Variants in NPNT observed in about 807,000 individuals in gnomAD.
NPNT encodes preosteoblast EGF-like repeat protein with MAM domain.
Under a neutral mutation model 68.6 loss-of-function variants are expected in NPNT, and 45 were observed. That is an observed-to-expected ratio of 0.66 (90% CI 0.52 to 0.84). The LOEUF (loss-of-function observed/expected upper bound fraction) is 0.84. Ranked by LOEUF, NPNT falls within the 40% of genes least tolerant of loss-of-function variation. The pLI is 0.00. For missense variants in NPNT, 672 were observed against 714.8 expected, an observed-to-expected ratio of 0.94 and a Z score of 0.68; for synonymous variants, 233 against 253.3, an observed-to-expected ratio of 0.92 and a Z score of 0.76.
chr4:105,919,339 C>T (rs1384875370), intron 2 of NPNT, among the ~76,000 whole-genome samples: 2 of 152,050 alleles, frequency 1.3e-5, no homozygotes, highest in Non-Finnish European at 2.9e-5. Context: ...TGCCTAAACA[C>T]TTCAGCATTC....
At chr4:105,960,519 A>G (rs1384356516) in intron 10 of NPNT, among the ~76,000 whole-genome samples, 2 of 152,238 alleles carry the variant, frequency 1.3e-5, no homozygotes, top group South Asian at 4.1e-4. Flanking sequence ...TAAGGTTGAA[A>G]TAGAGATTTA....
intron 10 of NPNT, among the ~76,000 whole-genome samples, chr4:105,965,444 A>T (rs1478774939): frequency 2.0e-5 from 3 of 151,740 alleles, no homozygotes; most frequent in African/African-American, 7.3e-5. Context: ...AACCTCATTT[A>T]TCATGTTGTA....
At chr4:105,959,523 CT>C (rs1014448942) in intron 10 of NPNT, among the ~76,000 whole-genome samples, 5,275 of 129,532 alleles carry the variant, frequency 0.041, 167 homozygotes, top group South Asian at 0.12. Context: ...TTTTTCTTTT[CT>C]TTTTTTTTTT....
rs1316097105 is a variant in NPNT at position 105,914,383 on chromosome 4, A to AAT, written c.173-12947_173-12946dup. Among the ~76,000 whole-genome samples the AAT allele has an allele frequency of 2.9e-3, 396 of 137,458 alleles. 3 individuals carry two copies. The highest frequency in any genetic ancestry group is 0.01 in the African/African-American group (380 of 37,054). The allele number at this position is 137,458 out of a possible 152,430, so 90.2% of individuals were successfully genotyped here. A position where few individuals can be genotyped will look rare whatever the true frequency, so the allele number is the denominator to read the frequency against. The stretch of plus-strand genomic sequence containing the variant: ...TCTCTCTCTCTCTCTCTATATATAT[A>AAT]ATATATAAAAATAATATAATATATA... On this transcript the variant is annotated intron_variant, in intron 2 of 11. Coordinates refer to ENST00000379987, the MANE Select transcript of NPNT (RefSeq NM_001033047.3).
intron 8 of NPNT, among the ~76,000 whole-genome samples, chr4:105,944,005 A>G (rs1432017130): frequency 6.6e-6 from 1 of 152,090 alleles, no homozygotes; most frequent in Non-Finnish European, 1.5e-5. Flanking sequence ...AAACTAATAA[A>G]GGGGATATCA....
In NPNT at chr4:105,957,634, A is replaced by T. The variant is rs565059381; in HGVS notation, c.1160-837A>T. 3.3e-5 allele frequency among the ~76,000 whole-genome samples: 5 copies of T among 152,286 alleles called. No homozygotes were observed. In the South Asian group the frequency reaches 1.0e-3, roughly 32 times the overall value. ...GCCCTCCAGGACCTCAGAGACTAGC[A>T]GAGGGACAGACACATGTGTGTAAAT... On this transcript the variant is annotated intron_variant, in intron 8 of 11. Transcript: ENST00000379987.
At chr4:105,925,359 G>A (rs943959484) in intron 2 of NPNT, among the ~76,000 whole-genome samples, 8 of 151,990 alleles carry the variant, frequency 5.3e-5, no homozygotes, top group Non-Finnish European at 1.0e-4. Flanking sequence ...CTAAGGATTT[G>A]TGGTGGTACA....
chr4:105,926,385 G>A (rs1477467487), intron 2 of NPNT, among the ~76,000 whole-genome samples: 1 of 152,098 alleles, frequency 6.6e-6, no homozygotes, highest in African/African-American at 2.4e-5. Context: ...CAAGGTTTCC[G>A]AGTCTGGCAC....
At chr4:105,909,689 T>C (rs1056646442) in intron 2 of NPNT, among the ~76,000 whole-genome samples, 3 of 152,204 alleles carry the variant, frequency 2.0e-5, no homozygotes, top group Non-Finnish European at 2.9e-5. Flanking sequence ...TGCAGGCTAA[T>C]ATCACTGTTT....
chr4:105,946,461 A>G (rs1360258060), intron 8 of NPNT, among the ~76,000 whole-genome samples: 1 of 152,188 alleles, frequency 6.6e-6, no homozygotes, highest in Non-Finnish European at 1.5e-5. Context: ...ACCCGCCCCC[A>G]ATATTTTAAC....
intron 5 of NPNT, 79 bp downstream of exon 5, chr4:105,938,499 A>G (rs772526708): frequency 8.6e-5 from 122 of 1,413,276 alleles, no homozygotes; most frequent in Non-Finnish European, 1.1e-4. Flanking sequence ...GGGAATAAGG[A>G]AAAAAAAGGC....
At chr4:105,955,281 G>A (rs896653396) in intron 8 of NPNT, among the ~76,000 whole-genome samples, 3 of 152,142 alleles carry the variant, frequency 2.0e-5, no homozygotes, top group African/African-American at 7.2e-5. Context: ...CCTGGTTATA[G>A]TTCATTTTTG....
In NPNT at chr4:105,970,280, TTACCAA is replaced by T. The variant is rs1295462862; in HGVS notation, c.*1293_*1298del. ...CAACTGTATTTCCTCCCTGCATATT[TTACCAA>T]TATATTAAAAAACAATGTAACTTTT... On this transcript the variant is annotated 3_prime_UTR_variant, in exon 12 of 12. Coordinates refer to ENST00000379987, the MANE Select transcript of NPNT (RefSeq NM_001033047.3). 1 of 594,576 alleles carries T rather than the reference TTACCAA, an allele frequency of 1.7e-6. No individual in the cohort carries two copies. The highest frequency in any genetic ancestry group is 1.9e-5 in the African/African-American group (1 of 53,786). The allele number at this position is 594,576 out of a possible 1,614,324, so 36.8% of individuals were successfully genotyped here. A position where few individuals can be genotyped will look rare whatever the true frequency, so the allele number is the denominator to read the frequency against.
chr4:105,967,053 T>C, intron 10 of NPNT, 135 bp from the exon 11 acceptor site: 1 of 801,900 alleles, frequency 1.2e-6, no homozygotes. Flanking sequence ...AAATAAGTCA[T>C]ATTTTTCTTC....
At chr4:105,949,307 T>G (rs1730629756) in intron 8 of NPNT, among the ~76,000 whole-genome samples, 1 of 152,198 alleles carries the variant, frequency 6.6e-6, no homozygotes, top group Non-Finnish European at 1.5e-5. Context: ...ATCTTGGGAT[T>G]AGAGTTTACT....
intron 3 of NPNT, among the ~76,000 whole-genome samples, chr4:105,936,206 C>T (rs1316823501): frequency 1.3e-5 from 2 of 152,184 alleles, no homozygotes; most frequent in Non-Finnish European, 2.9e-5. Flanking sequence ...CAGTCTATTA[C>T]ATTTTGTCCA....
At chr4:105,952,786 C>T (rs1237983555) in intron 8 of NPNT, among the ~76,000 whole-genome samples, 1 of 152,146 alleles carries the variant, frequency 6.6e-6, no homozygotes, top group African/African-American at 2.4e-5. Context: ...TTCTGCTCAC[C>T]CTAGACGGTG....
intron 10 of NPNT, among the ~76,000 whole-genome samples, chr4:105,966,880 A>G (rs1406019612): frequency 6.6e-6 from 1 of 152,152 alleles, no homozygotes; most frequent in Non-Finnish European, 1.5e-5. Flanking sequence ...GTGAATGTGT[A>G]TATGTTGTTG....
intron 2 of NPNT, among the ~76,000 whole-genome samples, chr4:105,908,569 CTT>C (rs35079311): frequency 0.021 from 3,005 of 144,430 alleles, 101 homozygotes; most frequent in African/African-American, 0.07. Context: ...AACCTTTAGC[CTT>C]TTTTTTTTTT....
Sources: gnomAD v4.1 joint callset for allele counts (sites outside exome capture counted in the v4.1 genomes callset) on GRCh38, gnomAD v4.1.1 for gene constraint, MANE v1.5 for transcripts, NCBI Gene and HGNC (gene_info 2026-07-23, HGNC 2026-07-21) for gene names.